The following MTMR6 variants were observed in gnomAD, a reference collection of about 807,000 sequenced individuals.
The protein encoded by MTMR6 is myotubularin related protein 6.
A neutral mutation model predicts 80.1 loss-of-function variants in MTMR6; 47 were observed. That is an observed-to-expected ratio of 0.59 (90% CI 0.46 to 0.75). The LOEUF is 0.75. Ranked by LOEUF, MTMR6 falls within the 30% of genes least tolerant of loss-of-function variation. The pLI is 0.00. For synonymous variants in MTMR6, 254 were observed against 253.0 expected (o/e 1.00, Z -0.04); for missense variants, 629 against 730.9 (o/e 0.86, Z 1.61).
chr13:25,285,878 T>A (rs1957946119), intron 1 of MTMR6, among the ~76,000 whole-genome samples: 1 of 152,130 alleles, frequency 6.6e-6, no homozygotes, highest in Non-Finnish European at 1.5e-5. Context: ...AGAAAGCATA[T>A]GAAAAATAGA....
intron 5 of MTMR6, among the ~76,000 whole-genome samples, chr13:25,265,304 C>G (rs1377276638): frequency 6.6e-6 from 1 of 152,066 alleles, no homozygotes; most frequent in Non-Finnish European, 1.5e-5. Flanking sequence ...ATTTTCAAGT[C>G]ACTGCTGGAA....
At chr13:25,253,177 T>A (rs1234951003) in intron 11 of MTMR6, among the ~76,000 whole-genome samples, 2 of 152,102 alleles carry the variant, frequency 1.3e-5, no homozygotes, top group African/African-American at 2.4e-5. Flanking sequence ...TCAAGTAGTG[T>A]CTCAGGGCTT....
intron 1 of MTMR6, among the ~76,000 whole-genome samples, chr13:25,285,564 C>T (rs3923860): frequency 0.93 from 140,046 of 150,532 alleles, 65,979 homozygotes; most frequent in East Asian, 1. Flanking sequence ...AGACTGAGTC[C>T]CGCTCTATTG....
chr13:25,249,513 A>T (rs1204538835), intron 13 of MTMR6, 21 bp from the exon 14 acceptor site: 1 of 1,603,020 alleles, frequency 6.2e-7, no homozygotes, highest in South Asian at 1.1e-5. Context: ...CACAAATTTG[A>T]AAAAATTACT....
At chr13:25,285,246 T>C (rs1390151654) in intron 1 of MTMR6, among the ~76,000 whole-genome samples, 1 of 152,246 alleles carries the variant, frequency 6.6e-6, no homozygotes, top group Non-Finnish European at 1.5e-5. Flanking sequence ...ATATTCATAA[T>C]AAATTGAATG....
chr13:25,283,558 T>A (rs374628359), intron 1 of MTMR6, among the ~76,000 whole-genome samples: 2 of 152,326 alleles, frequency 1.3e-5, no homozygotes, highest in African/African-American at 4.8e-5. Flanking sequence ...CACATTCTAA[T>A]GACAAAAAGA....
At chr13:25,275,299 G>A (rs1032219385) in intron 1 of MTMR6, among the ~76,000 whole-genome samples, 8 of 152,212 alleles carry the variant, frequency 5.3e-5, no homozygotes, top group Middle Eastern at 3.4e-3. Flanking sequence ...GCACACGTCT[G>A]TAATCCCAGC....
chr13:25,275,112 A>G (rs952027014), intron 1 of MTMR6, among the ~76,000 whole-genome samples: 4 of 152,108 alleles, frequency 2.6e-5, no homozygotes, highest in African/African-American at 9.7e-5. Flanking sequence ...AAAAAGTGAA[A>G]TAACCACTAC....
At position 25,246,883 on chromosome 13, in the gene MTMR6, C is replaced by T. The variant is rs548347453; in HGVS notation, c.*2349G>A. Reference sequence around the variant, plus strand: ...CCTCTTGTCAGCCAGTTATTTTCTTCCTCATATTTACATCCAGATCTGCCT... The same window carrying T: ...CCTCTTGTCAGCCAGTTATTTTCTTTCTCATATTTACATCCAGATCTGCCT... On this transcript the variant is annotated 3_prime_UTR_variant, in exon 14 of 14. Transcript: ENST00000381801. 6.6e-6 allele frequency: 1 copy of T among 152,328 alleles called. No individual in the cohort carries two copies. Among genetic ancestry groups the T allele is most frequent in the East Asian group, 1.9e-4 (1 of 5,186 alleles). 9.4% of individuals were successfully genotyped at this position (152,328 alleles called of 1,614,324 possible).
chr13:25,272,099 C>A (rs1051983106), intron 2 of MTMR6, among the ~76,000 whole-genome samples: 1 of 152,124 alleles, frequency 6.6e-6, no homozygotes, highest in African/African-American at 2.4e-5. Flanking sequence ...TAAATGGCGC[C>A]GGTCGTCTAT....
chr13:25,284,243 G>C (rs995974904), intron 1 of MTMR6, among the ~76,000 whole-genome samples: 1 of 152,168 alleles, frequency 6.6e-6, no homozygotes, highest in African/African-American at 2.4e-5. Context: ...GCACTGGAAA[G>C]AGCATACATA....
In MTMR6 at chr13:25,267,814, T is replaced by C. The variant is rs564587516; in HGVS notation, c.269A>G (p.Asp90Gly). Residue 90 changes from aspartate to glycine, a missense_variant, in exon 3 of 14, where the codon GAT (aspartate) becomes GGT (glycine). By Grantham distance (94) the Asp-to-Gly change is moderately conservative. Coordinates refer to ENST00000381801, the MANE Select transcript of MTMR6 (RefSeq NM_004685.5). Reference protein sequence around the residue: ...FIVPRERDCHDIYNSLLQLSK... With the variant: ...FIVPRERDCHGIYNSLLQLSK... ...CAGTTGTAGCAAAGAGTTGTAAATA[T>C]CATGGCAATCTCTTTCTCTGGGAAC... 3.7e-6 allele frequency: 6 copies of C among 1,613,856 alleles called. No homozygotes were observed. The highest frequency in any genetic ancestry group is 3.3e-5 in the Admixed American group (2 of 60,006).
At chr13:25,256,047 T>C (rs1314103503) in intron 9 of MTMR6, among the ~76,000 whole-genome samples, 1 of 152,230 alleles carries the variant, frequency 6.6e-6, no homozygotes, top group Non-Finnish European at 1.5e-5. Context: ...TTTAAAACTC[T>C]TTAATAGCTC....
chr13:25,261,303 TAA>T (rs56833434), intron 6 of MTMR6, among the ~76,000 whole-genome samples: 6,142 of 40,244 alleles, frequency 0.15, 122 homozygotes, highest in Admixed American at 0.28. Flanking sequence ...AACTCTGTCT[TAA>T]AAAAAAAAAA....
At chr13:25,267,716 T>C (rs1028370515) in intron 3 of MTMR6, 63 bp downstream of exon 3, 1 of 1,466,248 alleles carries the variant, frequency 6.8e-7, no homozygotes, top group Non-Finnish European at 9.3e-7. Context: ...AAACATTAAA[T>C]AAAGTATCTT....
rs531878664 is a variant in MTMR6, at chr13:25,249,591, T to C, written c.1606-99A>G. Reference sequence around the variant, plus strand: ...GCTTTTGCAAAATATGTTCTCTGTATGTATAATGCAAAACTAAATCTCAAA... The same window carrying C: ...GCTTTTGCAAAATATGTTCTCTGTACGTATAATGCAAAACTAAATCTCAAA... On this transcript the variant is annotated intron_variant, in intron 13 of 13. Transcript: ENST00000381801. The C allele has an allele frequency of 2.3e-5, 27 of 1,183,686 alleles. 1 individual carries two copies. In the South Asian group the frequency reaches 2.9e-4, roughly 13 times the overall value. The allele number at this position is 1,183,686 out of a possible 1,614,324, so 73.3% of individuals were successfully genotyped here.
At chr13:25,277,471 A>G (rs917277360) in intron 1 of MTMR6, among the ~76,000 whole-genome samples, 1 of 152,264 alleles carries the variant, frequency 6.6e-6, no homozygotes, top group Non-Finnish European at 1.5e-5. Context: ...GAACGGCCAC[A>G]GAAAAATTAT....
intron 9 of MTMR6, among the ~76,000 whole-genome samples, chr13:25,255,581 T>C (rs1004856155): frequency 3.3e-5 from 5 of 152,120 alleles, no homozygotes; most frequent in Non-Finnish European, 7.4e-5. Context: ...TGGAGTGCAG[T>C]GGCGCAATCT....
At chr13:25,262,484 C>T (rs909997245) in intron 5 of MTMR6, among the ~76,000 whole-genome samples, 4 of 152,170 alleles carry the variant, frequency 2.6e-5, no homozygotes, top group Non-Finnish European at 4.4e-5. Flanking sequence ...CCTTCCAACT[C>T]AGCCTCCAGG....
Sources: gnomAD v4.1 joint callset for allele counts (sites outside exome capture counted in the v4.1 genomes callset) on GRCh38, gnomAD v4.1.1 for gene constraint, MANE v1.5 for transcripts, NCBI Gene and HGNC (gene_info 2026-07-23, HGNC 2026-07-21) for gene names.